LRRTM2: variants seen among roughly 807,000 people sequenced by gnomAD.
The protein encoded by LRRTM2 is leucine-rich repeat transmembrane neuronal protein 2.
Under a neutral mutation model 40.7 loss-of-function variants are expected in LRRTM2, and 14 were observed. That is an observed-to-expected ratio of 0.34 (90% CI 0.23 to 0.54). The LOEUF is 0.54. Ranked by LOEUF, LRRTM2 falls within the 20% of genes least tolerant of loss-of-function variation. The pLI, the probability that LRRTM2 is intolerant of heterozygous loss-of-function variation, is 0.92. For synonymous variants in LRRTM2, 223 were observed against 237.6 expected (o/e 0.94, Z 0.57); for missense variants, 468 against 624.4 (o/e 0.75, Z 2.67).
In LRRTM2 at chr5:138,872,027, A is replaced by AGGGT. The variant is rs761374260; in HGVS notation, c.*982_*983insACCC. On this transcript the variant is annotated 3_prime_UTR_variant, in exon 2 of 2. Transcript: ENST00000274711. ...TGATAGTTGAGAGAGAGAGCGCGAG[A>AGGGT]GTGTGTGTGTGTGTGTGTGTGTGTG... The AGGGT allele has an allele frequency of 4.5e-5, 6 of 133,148 alleles. No individual in the cohort carries two copies. Among genetic ancestry groups the AGGGT allele is most frequent in the Admixed American group, 1.5e-4 (2 of 13,424 alleles). 8.2% of individuals were successfully genotyped at this position (133,148 alleles called of 1,614,324 possible). A position where few individuals can be genotyped will look rare whatever the true frequency, so the allele number is the denominator to read the frequency against.
chr5:138,873,673 G>A lies in LRRTM2; in HGVS notation c.888C>T (p.Ile296=), dbSNP rs1452337050. 6 of 1,613,944 alleles carry A rather than the reference G, an allele frequency of 3.7e-6. No homozygotes were observed. The Admixed American group carries it at 1.0e-4, about 27-fold the overall frequency. ...TTGTGAGGGATCTCAGGGAGTTTAA[G>A]ATCTTGGAATCAAGGCTGTTTAACT... is the stretch of plus-strand genomic sequence containing the variant. ...NNKLNSLDSK[I]LNSLRSLTTV... The change falls in exon 2 of 2, where the codon ATC becomes ATT. Residue 296 remains isoleucine, a synonymous_variant. Coordinates refer to ENST00000274711, the MANE Select transcript of LRRTM2 (RefSeq NM_015564.3). This position sits in a 1 kb window ranked among gnomAD's most constrained non-coding sequence, Gnocchi z 6.1.
In LRRTM2 at chr5:138,874,363, C is replaced by A; in HGVS notation, c.198G>T (p.Leu66=). 6.2e-7 allele frequency: 1 copy of A among 1,614,002 alleles called. No homozygotes were observed. ...PNATDKGSLG[L]SLRHNHITEL... is the part of the protein sequence containing the mutation. ...CTGTGATGTGATTGTGCCTCAGGGA[C>A]AGGCCCAGAGAGCCCTTGTCTGTGG... The change falls in exon 2 of 2, where the codon CTG becomes CTT. Residue 66 remains leucine, a synonymous_variant. Coordinates refer to ENST00000274711, the MANE Select transcript of LRRTM2 (RefSeq NM_015564.3). The surrounding 1 kb of genome is among the most constrained non-coding windows in gnomAD (Gnocchi z 4.1).
Position 138,873,949 on chromosome 5 carries a change from T to C in LRRTM2, c.612A>G (p.Leu204=), listed in dbSNP as rs1245795172. 1.2e-6 allele frequency: 2 copies of C among 1,614,026 alleles called. No homozygotes were observed. The highest frequency in any genetic ancestry group is 2.7e-5 in the African/African-American group (2 of 75,052). The change falls in exon 2 of 2, where the codon TTA becomes TTG. Residue 204 remains leucine (L), a synonymous_variant. Transcript: ENST00000274711. This position sits in a 1 kb window ranked among gnomAD's most constrained non-coding sequence, Gnocchi z 6.1. ...RSLARNGFAG[L]IKLRELHLEH... ...CTAGGTGAAGCTCTCTCAGTTTAAT[T>C]AATCCTGCAAATCCATTGCGAGCCA...
rs1750592561 is a variant in LRRTM2 at position 138,871,395 on chromosome 5, G to T, written c.*1615C>A. 1 of 152,184 alleles carries T rather than the reference G, an allele frequency of 6.6e-6. No individual in the cohort carries two copies. The highest frequency in any genetic ancestry group is 1.5e-5 in the Non-Finnish European group (1 of 68,038). 9.4% of individuals were successfully genotyped at this position (152,184 alleles called of 1,614,324 possible). On this transcript the variant is annotated 3_prime_UTR_variant, in exon 2 of 2. Transcript: ENST00000274711. ...TGGAAAAGTTCTGTGTGAATGAGTA[G>T]CTTGCATCTAAATTCCAAATATTTA...
Position 138,874,790 on chromosome 5 carries a change from T to G in LRRTM2, c.4+118A>C. The G allele has an allele frequency of 9.5e-7, 1 of 1,058,146 alleles. No homozygotes were observed. Among genetic ancestry groups the G allele is most frequent in the Non-Finnish European group, 1.4e-6 (1 of 706,222 alleles). 65.5% of individuals were successfully genotyped at this position (1,058,146 alleles called of 1,614,324 possible). A position where few individuals can be genotyped will look rare whatever the true frequency, so the allele number is the denominator to read the frequency against. On this transcript the variant is annotated intron_variant, in intron 1 of 1. Transcript: ENST00000274711. The surrounding 1 kb of genome is among the most constrained non-coding windows in gnomAD (Gnocchi z 4.1). ...GTCATCATCGATATATGCTTTTACC[T>G]AAACCTCAAAATCCAAAATATGATG...
Position 138,873,277 on chromosome 5 carries a change from C to T in LRRTM2, c.1284G>A (p.Met428Ile), listed in dbSNP as rs781751777. The T allele has an allele frequency of 1.4e-5, 22 of 1,613,868 alleles. 1 individual carries two copies. In the South Asian group the frequency reaches 2.2e-4, roughly 16 times the overall value. ...IFTQRVITGTMALLFSFFFII... is the reference protein window; with the variant it reads ...IFTQRVITGTIALLFSFFFII... ...TAAAAAAGAAAGAAAACAATAAAGC[C>T]ATTGTTCCCGTAATTACCCGCTGAG... Residue 428 changes from methionine to isoleucine, a missense_variant, in exon 2 of 2, where the codon ATG becomes ATA. By Grantham distance (10) the Met-to-Ile change is conservative (BLOSUM62 1). Coordinates refer to ENST00000274711, the MANE Select transcript of LRRTM2 (RefSeq NM_015564.3). The surrounding 1 kb of genome is among the most constrained non-coding windows in gnomAD (Gnocchi z 6.1).
At position 138,870,442 on chromosome 5, in the gene LRRTM2, A is replaced by AT. The variant is rs1167725203; in HGVS notation, c.*2567dup. On this transcript the variant is annotated 3_prime_UTR_variant, in exon 2 of 2. Transcript: ENST00000274711. The stretch of plus-strand genomic sequence containing the variant: ...GAAAAATGGAAGGCAAAAAATTTTG[A>AT]TTTTTTTCAACTGGAAAGTATGCCT... 1 of 152,162 alleles carries AT rather than the reference A, an allele frequency of 6.6e-6. No homozygotes were observed. The highest frequency in any genetic ancestry group is 2.4e-5 in the African/African-American group (1 of 41,448). The allele number at this position is 152,162 out of a possible 1,614,324, so 9.4% of individuals were successfully genotyped here.
At position 138,870,945 on chromosome 5, in the gene LRRTM2, G is replaced by A. The variant is rs917728638; in HGVS notation, c.*2065C>T. The A allele has an allele frequency of 3.3e-5, 5 of 152,282 alleles. No individual in the cohort carries two copies. The highest frequency in any genetic ancestry group is 1.9e-4 in the East Asian group (1 of 5,190). 9.4% of individuals were successfully genotyped at this position (152,282 alleles called of 1,614,324 possible). A position where few individuals can be genotyped will look rare whatever the true frequency, so the allele number is the denominator to read the frequency against. On this transcript the variant is annotated 3_prime_UTR_variant, in exon 2 of 2. Transcript: ENST00000274711. ...AAGAGACAAAATACTCACCACTCGA[G>A]ATCAACTGAATTGAACTGGGCTGAG...
chr5:138,874,621 TTAAAAAAAACA>T lies in LRRTM2; in HGVS notation c.5-76_5-66del. On this transcript the variant is annotated intron_variant, in intron 1 of 1. Transcript: ENST00000274711. The surrounding 1 kb of genome is among the most constrained non-coding windows in gnomAD (Gnocchi z 4.1). ...TTTTTCAGCAGAACATATGGGCTATTTAAAAAAAACAACCACCACCAACATTATAGCAAAAG... is the reference window on the plus strand; with the variant it reads ...TTTTTCAGCAGAACATATGGGCTATTACCACCACCAACATTATAGCAAAAG... 1 of 1,056,324 alleles carries T rather than the reference TTAAAAAAAACA, an allele frequency of 9.5e-7. No homozygotes were observed. The highest frequency in any genetic ancestry group is 1.3e-6 in the Non-Finnish European group (1 of 747,054). 65.4% of individuals were successfully genotyped at this position (1,056,324 alleles called of 1,614,324 possible). A position where few individuals can be genotyped will look rare whatever the true frequency, so the allele number is the denominator to read the frequency against.
rs1257491206 is a variant in LRRTM2 at position 138,869,350 on chromosome 5, T to C, written c.*3660A>G. 1 of 151,546 alleles carries C rather than the reference T, an allele frequency of 6.6e-6. No individual in the cohort carries two copies. Among genetic ancestry groups the C allele is most frequent in the Non-Finnish European group, 1.5e-5 (1 of 67,914 alleles). 9.4% of individuals were successfully genotyped at this position (151,546 alleles called of 1,614,324 possible). On this transcript the variant is annotated 3_prime_UTR_variant, in exon 2 of 2. Coordinates refer to ENST00000274711, the MANE Select transcript of LRRTM2 (RefSeq NM_015564.3). ...AGATAGAGAAATATTTAATTATCTA[T>C]AGATGGCCTTACTGTCTCTCTCTCT...
In LRRTM2 at chr5:138,874,920, G is replaced by A. The variant is rs1751156003; in HGVS notation, c.-9C>T. On this transcript the variant is annotated 5_prime_UTR_variant, in exon 1 of 2. Coordinates refer to ENST00000274711, the MANE Select transcript of LRRTM2 (RefSeq NM_015564.3). This position sits in a 1 kb window ranked among gnomAD's most constrained non-coding sequence, Gnocchi z 4.1. The stretch of plus-strand genomic sequence containing the variant: ...TGCACAGACTTACCCATTCTTCTGA[G>A]CACATTGGAGGCTGCATTCAGTCGC... 6.2e-7 allele frequency: 1 copy of A among 1,613,610 alleles called. No homozygotes were observed. The highest frequency in any genetic ancestry group is 8.5e-7 in the Non-Finnish European group (1 of 1,179,722).
Position 138,873,904 on chromosome 5 carries a change from C to G in LRRTM2, c.657G>C (p.Lys219Asn). The change falls in exon 2 of 2, where the codon AAG becomes AAC. Residue 219 changes from lysine (K) to asparagine (N), a missense_variant. Transcript: ENST00000274711. The surrounding 1 kb of genome is among the most constrained non-coding windows in gnomAD (Gnocchi z 6.1). ...ELHLEHNQLT[K>N]INFAHFLRLS... ...GCCGTAGGAAATGAGCAAAATTAATCTTCGTCAGCTGGTTGTGCTCTAGGT... is the reference window on the plus strand; with the variant it reads ...GCCGTAGGAAATGAGCAAAATTAATGTTCGTCAGCTGGTTGTGCTCTAGGT... 1 of 1,614,002 alleles carries G rather than the reference C, an allele frequency of 6.2e-7. No individual in the cohort carries two copies. The highest frequency in any genetic ancestry group is 1.1e-5 in the South Asian group (1 of 91,074).
chr5:138,874,036 G>A lies in LRRTM2; in HGVS notation c.525C>T (p.Arg175=), dbSNP rs1448319570. The stretch of plus-strand genomic sequence containing the variant: ...CCAGACTACGACAGTCCCAGAACAG[G>A]CGTACTGGGATAGTCCGCAGGGAGT... The part of the protein sequence containing the change: ...RSNSLRTIPV[R]LFWDCRSLEF... The change falls in exon 2 of 2, where the codon CGC becomes CGT. Residue 175 remains arginine, a synonymous_variant. Coordinates refer to ENST00000274711, the MANE Select transcript of LRRTM2 (RefSeq NM_015564.3). The surrounding 1 kb of genome is among the most constrained non-coding windows in gnomAD (Gnocchi z 4.1). 2 of 1,613,966 alleles carry A rather than the reference G, an allele frequency of 1.2e-6. No individual in the cohort carries two copies. The highest frequency in any genetic ancestry group is 1.7e-6 in the Non-Finnish European group (2 of 1,179,880).
Position 138,870,402 on chromosome 5 carries a change from A to G in LRRTM2, c.*2608T>C, listed in dbSNP as rs1340731360. ...GGTACTACTGTCATTCACTTTTCTTAAAGGACATTACCCAGAAAAATGGAA... is the reference window on the plus strand; with the variant it reads ...GGTACTACTGTCATTCACTTTTCTTGAAGGACATTACCCAGAAAAATGGAA... On this transcript the variant is annotated 3_prime_UTR_variant, in exon 2 of 2. Transcript: ENST00000274711. 2 of 152,238 alleles carry G rather than the reference A, an allele frequency of 1.3e-5. No homozygotes were observed. Among genetic ancestry groups the G allele is most frequent in the Non-Finnish European group, 2.9e-5 (2 of 68,052 alleles). The allele number at this position is 152,238 out of a possible 1,614,324, so 9.4% of individuals were successfully genotyped here.
chr5:138,873,251 A>G lies in LRRTM2; in HGVS notation c.1310T>C (p.Ile437Thr), dbSNP rs778494250. 6.2e-6 allele frequency: 10 copies of G among 1,613,680 alleles called. No homozygotes were observed. Among genetic ancestry groups the G allele is most frequent in the Non-Finnish European group, 8.5e-6 (10 of 1,179,776 alleles). ...TMALLFSFFF[I>T]IFIVFISRKC... ...CCTGGAGATGAACACTATAAAAATA[A>G]TAAAAAAGAAAGAAAACAATAAAGC... Residue 437 changes from isoleucine (I) to threonine (T), a missense_variant, in exon 2 of 2, where the codon ATT becomes ACT. Ile to Thr is a moderately conservative substitution (Grantham distance 89). Transcript: ENST00000274711. The surrounding 1 kb of genome is among the most constrained non-coding windows in gnomAD (Gnocchi z 6.1).
chr5:138,873,033 G>T lies in LRRTM2; in HGVS notation c.1528C>A (p.Pro510Thr), dbSNP rs372173239. Reference protein sequence around the residue: ...GYGQCKCQQLPYKECEV With the variant: ...GYGQCKCQQLTYKECEV ...TATTATACTTCACATTCTTTGTATG[G>T]CAGCTGCTGACACTTGCACTGTCCA... Residue 510 changes from proline (P) to threonine (T), a missense_variant, in exon 2 of 2, where the codon CCA (proline) becomes ACA (threonine). Physicochemically the swap from Pro to Thr is conservative, Grantham distance 38. Coordinates refer to ENST00000274711, the MANE Select transcript of LRRTM2 (RefSeq NM_015564.3). The surrounding 1 kb of genome is among the most constrained non-coding windows in gnomAD (Gnocchi z 6.1). 10 of 1,606,862 alleles carry T rather than the reference G, an allele frequency of 6.2e-6. No homozygotes were observed. Among genetic ancestry groups the T allele is most frequent in the Non-Finnish European group, 7.7e-6 (9 of 1,176,434 alleles).
rs1750989493 is a variant in LRRTM2, at chr5:138,874,047, T to C, written c.514A>G (p.Ile172Val). 6.2e-7 allele frequency: 1 copy of C among 1,613,978 alleles called. No individual in the cohort carries two copies. Among genetic ancestry groups the C allele is most frequent in the Non-Finnish European group, 8.5e-7 (1 of 1,179,872 alleles). ...CAGTCCCAGAACAGGCGTACTGGGA[T>C]AGTCCGCAGGGAGTTGGAACGTAAA... ...LHLRSNSLRT[I>V]PVRLFWDCRS... Residue 172 changes from isoleucine to valine, a missense_variant, in exon 2 of 2, where the codon ATC becomes GTC. Physicochemically the swap from Ile to Val is conservative, Grantham distance 29. Transcript: ENST00000274711. This position sits in a 1 kb window ranked among gnomAD's most constrained non-coding sequence, Gnocchi z 4.1.
chr5:138,875,259 G>T lies in LRRTM2; in HGVS notation c.-348C>A, dbSNP rs28363439. The T allele has an allele frequency of 3.3e-4, 124 of 371,174 alleles. No individual in the cohort carries two copies. The highest frequency in any genetic ancestry group is 2.6e-3 in the African/African-American group (119 of 46,428). 23.0% of individuals were successfully genotyped at this position (371,174 alleles called of 1,614,324 possible). On this transcript the variant is annotated 5_prime_UTR_variant, in exon 1 of 2. Transcript: ENST00000274711. Reference sequence around the variant, plus strand: ...TTAACTTGTTGATGGCAGATGGGTGGCTTGTTGCAGAGAAGAGCTCCTGGA... The same window carrying T: ...TTAACTTGTTGATGGCAGATGGGTGTCTTGTTGCAGAGAAGAGCTCCTGGA...
chr5:138,874,950 G>T lies in LRRTM2; in HGVS notation c.-39C>A. The T allele has an allele frequency of 6.2e-7, 1 of 1,612,680 alleles. No individual in the cohort carries two copies. Among genetic ancestry groups the T allele is most frequent in the African/African-American group, 1.3e-5 (1 of 75,012 alleles). ...TTGGAGGCTGCATTCAGTCGCGGTT[G>T]TTAGACTCAACGCAGTGAGTCTGTA... is the stretch of plus-strand genomic sequence containing the variant. On this transcript the variant is annotated 5_prime_UTR_variant, in exon 1 of 2. Coordinates refer to ENST00000274711, the MANE Select transcript of LRRTM2 (RefSeq NM_015564.3). The surrounding 1 kb of genome is among the most constrained non-coding windows in gnomAD (Gnocchi z 4.1).
Sources: allele counts gnomAD v4.1 joint callset, GRCh38; gene constraint gnomAD v4.1.1; non-coding constraint Gnocchi (gnomAD v3.1); transcripts MANE v1.5; gene names NCBI Gene and HGNC (gene_info 2026-07-23, HGNC 2026-07-21).